The following WDR41 variants were observed in gnomAD, a reference collection of about 807,000 sequenced individuals.
WDR41 encodes WD repeat domain 41.
WDR41 carries 63 observed loss-of-function variants against 69.3 expected under a neutral mutation model. The observed-to-expected ratio is 0.91, with a 90% CI of 0.74 to 1.12. The LOEUF is 1.12. WDR41 is among the 50% of genes most tolerant of loss of function. WDR41 has a pLI of 0.00. For synonymous variants in WDR41, 185 were observed against 192.1 expected (o/e 0.96, Z 0.31); for missense variants, 543 against 534.5 (o/e 1.02, Z -0.16).
chr5:77,477,125 T>C (rs1800977912), intron 2 of WDR41, among the ~76,000 whole-genome samples: 1 of 147,614 alleles, frequency 6.8e-6, no homozygotes, highest in Admixed American at 6.6e-5. Context: ...AAGAGCTAAC[T>C]ATCCTAAATA....
At chr5:77,483,031 T>G (rs918120110) in intron 2 of WDR41, among the ~76,000 whole-genome samples, 2 of 152,208 alleles carry the variant, frequency 1.3e-5, no homozygotes, top group Non-Finnish European at 2.9e-5. Context: ...GTTTCCATCA[T>G]ATATTTGCCT....
chr5:77,503,267 G>A lies in WDR41; in HGVS notation c.43-13695C>T, dbSNP rs555656529. Among the ~76,000 whole-genome samples the A allele has an allele frequency of 3.3e-3, 489 of 148,948 alleles. 4 individuals carry two copies. Among genetic ancestry groups the A allele is most frequent in the African/African-American group, 0.011 (459 of 40,222 alleles). On this transcript the variant is annotated intron_variant, in intron 1 of 5. Coordinates refer to the WDR41 transcript ENST00000509971. The stretch of plus-strand genomic sequence containing the variant: ...CAGACTTTAAACCAACAAAGATCAA[G>A]AGAGACAAGGAAGGCCATTACATAA...
chr5:77,616,534 A>T (rs1240946921), intron 1 of WDR41, among the ~76,000 whole-genome samples: 1 of 152,204 alleles, frequency 6.6e-6, no homozygotes, highest in Non-Finnish European at 1.5e-5. Flanking sequence ...GACAAGCTGT[A>T]AGTGGTAAGA....
At chr5:77,537,824 G>A (rs985075810) in intron 1 of WDR41, among the ~76,000 whole-genome samples, 1 of 152,156 alleles carries the variant, frequency 6.6e-6, no homozygotes, top group African/African-American at 2.4e-5. Flanking sequence ...AAGTGTAAGT[G>A]CTCAACAAGT....
intron 1 of WDR41, among the ~76,000 whole-genome samples, chr5:77,507,200 T>C (rs1802122658): frequency 6.6e-6 from 1 of 152,174 alleles, no homozygotes; most frequent in African/African-American, 2.4e-5. Context: ...TTCTGGAGAT[T>C]GGTTGCATGA....
chr5:77,597,728 TTGAATGAA>T, intron 1 of WDR41, among the ~76,000 whole-genome samples: 1 of 152,150 alleles, frequency 6.6e-6, no homozygotes, highest in Non-Finnish European at 1.5e-5. Context: ...CAAATATCTA[TTGAATGAA>T]TGAATGAATG....
chr5:77,496,759 ATCC>A (rs560536585), upstream of WDR41, among the ~76,000 whole-genome samples: 12 of 152,244 alleles, frequency 7.9e-5, no homozygotes, highest in South Asian at 2.5e-3. Context: ...TGGAAAAATA[ATCC>A]TCAAATTTAT....
Position 77,492,282 on chromosome 5 carries a change from C to G in WDR41, c.-62G>C. On this transcript the variant is annotated 5_prime_UTR_variant, in exon 1 of 13. Transcript: ENST00000296679. ...GTCAGCCCAAACTCCGCCCCAGGCTCGGCCTCCTCCTTCCTCCCCGGCTGC... is the reference window on the plus strand; with the variant it reads ...GTCAGCCCAAACTCCGCCCCAGGCTGGGCCTCCTCCTTCCTCCCCGGCTGC... The G allele has an allele frequency of 6.2e-7, 1 of 1,600,842 alleles. No individual in the cohort carries two copies. The highest frequency in any genetic ancestry group is 2.2e-5 in the East Asian group (1 of 44,572).
At chr5:77,454,869 G>C (rs1039452727) in intron 5 of WDR41, among the ~76,000 whole-genome samples, 1 of 152,156 alleles carries the variant, frequency 6.6e-6, no homozygotes, top group Non-Finnish European at 1.5e-5. Context: ...TTGCCAAATA[G>C]TATTCCACTG....
chr5:77,503,103 T>C (rs902084391), intron 1 of WDR41, among the ~76,000 whole-genome samples: 3 of 149,080 alleles, frequency 2.0e-5, no homozygotes, highest in Non-Finnish European at 4.4e-5. Context: ...ATCAGTGTGC[T>C]ATATTCAGGA....
At chr5:77,503,804 A>C (rs1425856486) in intron 1 of WDR41, among the ~76,000 whole-genome samples, 5 of 152,242 alleles carry the variant, frequency 3.3e-5, no homozygotes, top group African/African-American at 1.2e-4. Context: ...TGAAGGCAGA[A>C]ATAAAGATTT....
intron 12 of WDR41, 128 bp from the exon 13 acceptor site, chr5:77,433,415 T>C: frequency 1.5e-6 from 1 of 658,428 alleles, no homozygotes; most frequent in Non-Finnish European, 2.3e-6. Context: ...TAGAACTTCA[T>C]TTCATTTTTC....
intron 8 of WDR41, among the ~76,000 whole-genome samples, chr5:77,445,619 C>T (rs555488435): frequency 7.2e-5 from 11 of 152,324 alleles, no homozygotes; most frequent in African/African-American, 1.4e-4. Context: ...GCTGATTCAA[C>T]ATATGCAAAT....
At chr5:77,504,509 C>G (rs1381138531) in intron 1 of WDR41, among the ~76,000 whole-genome samples, 1 of 152,202 alleles carries the variant, frequency 6.6e-6, no homozygotes, top group Non-Finnish European at 1.5e-5. Context: ...AGGGAATCCT[C>G]CCTAACTCAT....
intron 3 of WDR41, among the ~76,000 whole-genome samples, chr5:77,463,797 T>C (rs997717615): frequency 2.0e-5 from 3 of 152,182 alleles, no homozygotes; most frequent in Non-Finnish European, 4.4e-5. Context: ...GTAGTAAACA[T>C]GCAAAAATAC....
At chr5:77,469,917 A>T (rs527849702) in intron 2 of WDR41, among the ~76,000 whole-genome samples, 1 of 152,166 alleles carries the variant, frequency 6.6e-6, no homozygotes, top group South Asian at 2.1e-4. Context: ...AGATTCAGGA[A>T]ATACAGAGAA....
At chr5:77,489,223 A>T (rs1801655092) in intron 2 of WDR41, among the ~76,000 whole-genome samples, 1 of 152,188 alleles carries the variant, frequency 6.6e-6, no homozygotes, top group East Asian at 1.9e-4. Flanking sequence ...GAATGCAAAC[A>T]AACAAACATA....
chr5:77,458,780 A>G (rs894930739), intron 5 of WDR41: 1 of 246,948 alleles, frequency 4.0e-6, no homozygotes, highest in African/African-American at 2.2e-5. Context: ...TCTACAAGTA[A>G]TATCTCTTCC....
intron 1 of WDR41, 56 bp downstream of exon 1, chr5:77,492,114 G>T (rs1297346047): frequency 1.3e-6 from 2 of 1,593,860 alleles, no homozygotes; most frequent in Non-Finnish European, 8.6e-7. Flanking sequence ...GAACCGGAAC[G>T]AAGCCGCCCC....
Sources: gnomAD v4.1 joint callset for allele counts (sites outside exome capture counted in the v4.1 genomes callset) on GRCh38, gnomAD v4.1.1 for gene constraint, MANE v1.5 for transcripts, NCBI Gene and HGNC (gene_info 2026-07-23, HGNC 2026-07-21) for gene names.